The following IRS1 variants were observed in gnomAD, a reference collection of about 807,000 sequenced individuals.
IRS1 encodes insulin receptor substrate 1.
In IRS1, 34 loss-of-function variants were observed where a neutral mutation model predicts 65.6. The observed-to-expected ratio is 0.52, with a 90% CI of 0.39 to 0.69. The LOEUF is 0.69. IRS1 is among the 30% of genes least tolerant of loss of function. The pLI is 0.00. For missense variants in IRS1, 1,641 were observed against 1,720.2 expected (o/e 0.95, Z 0.81); for synonymous variants, 699 against 683.5 (o/e 1.02, Z -0.35).
At chr2:226,788,519 C>A (rs10170579) in intron 1 of IRS1, among the ~76,000 whole-genome samples, 1 of 152,122 alleles carries the variant, frequency 6.6e-6, no homozygotes, top group East Asian at 1.9e-4. Flanking sequence ...TATAGCAGAG[C>A]CTGCTGCAAG....
In IRS1 at chr2:226,798,927, C is replaced by G; in HGVS notation, c.-189G>C. On this transcript the variant is annotated 5_prime_UTR_variant, in exon 1 of 2. Transcript: ENST00000305123. The surrounding 1 kb of genome is among the most constrained non-coding windows in gnomAD (Gnocchi z 9.4). ...CTGAAGGAGGACGCAGCTGCTGAGC[C>G]CAGGAGAGAGCCCGACCGGAGTTTT... 2 of 1,462,760 alleles carry G rather than the reference C, an allele frequency of 1.4e-6. No homozygotes were observed. The highest frequency in any genetic ancestry group is 2.9e-5 in the South Asian group (2 of 68,982). The allele number at this position is 1,462,760 out of a possible 1,614,324, so 90.6% of individuals were successfully genotyped here. A position where few individuals can be genotyped will look rare whatever the true frequency, so the allele number is the denominator to read the frequency against.
chr2:226,739,147 G>C (rs1166988616), intron 1 of IRS1, among the ~76,000 whole-genome samples: 1 of 152,202 alleles, frequency 6.6e-6, no homozygotes, highest in Non-Finnish European at 1.5e-5. Context: ...GACGTATCAA[G>C]TGCATCGACA....
intron 1 of IRS1, among the ~76,000 whole-genome samples, chr2:226,793,707 C>T (rs1939653295): frequency 6.6e-6 from 1 of 152,194 alleles, no homozygotes; most frequent in Non-Finnish European, 1.5e-5. Context: ...TTTAAAAGCT[C>T]ATTCTGTGGA....
rs1193303683 is a variant in IRS1 at position 226,794,816 on chromosome 2, ACT to A, written c.*21+171_*21+172del. 2.0e-5 allele frequency among the ~76,000 whole-genome samples: 3 copies of A among 152,002 alleles called. No individual in the cohort carries two copies. Among genetic ancestry groups the A allele is most frequent in the Non-Finnish European group, 4.4e-5 (3 of 68,004 alleles). ...GTGGCTGCTCCTACATGTTTGTTTG[ACT>A]CTCTGCCAGATGTCAGTGTGGGGTG... On this transcript the variant is annotated intron_variant, in intron 1 of 1. Transcript: ENST00000305123. The surrounding 1 kb of genome is among the most constrained non-coding windows in gnomAD (Gnocchi z 4.1).
chr2:226,795,946 G>T lies in IRS1; in HGVS notation c.2793C>A (p.Pro931=), dbSNP rs1939711948. The change falls in exon 1 of 2, where the codon CCC becomes CCA. Residue 931 remains proline, a synonymous_variant. Transcript: ENST00000305123. ...CCTCAGTGCCAGTCTCTTCCTCTCT[G>T]GGAGCTGGCTGGAGCTGGGATGGAC... ...VRCPSQLQPA[P]REEETGTEEY... is the part of the protein sequence containing the mutation. 1 of 1,613,980 alleles carries T rather than the reference G, an allele frequency of 6.2e-7. No individual in the cohort carries two copies. The highest frequency in any genetic ancestry group is 8.5e-7 in the Non-Finnish European group (1 of 1,180,052).
rs143159755 is a variant in IRS1, at chr2:226,749,776, C to A, written c.*22-13526G>T. Among the ~76,000 whole-genome samples the A allele has an allele frequency of 7.2e-5, 11 of 152,288 alleles. 2 individuals carry two copies. The highest frequency in any genetic ancestry group is 2.6e-4 in the African/African-American group (11 of 41,568). ...TGGTCCAATGACTATCCGAAAGATGCACCTGGATGAGTTATTCCAGAGTTT... is the reference window on the plus strand; with the variant it reads ...TGGTCCAATGACTATCCGAAAGATGAACCTGGATGAGTTATTCCAGAGTTT... On this transcript the variant is annotated intron_variant, in intron 1 of 1. Coordinates refer to ENST00000305123, the MANE Select transcript of IRS1 (RefSeq NM_005544.3).
chr2:226,751,761 G>A (rs558341263), intron 1 of IRS1, among the ~76,000 whole-genome samples: 4 of 152,184 alleles, frequency 2.6e-5, no homozygotes, highest in Non-Finnish European at 4.4e-5. Flanking sequence ...AGGAGGAACT[G>A]AGGTAGGGCC....
chr2:226,731,791 T>A lies in IRS1; in HGVS notation c.*4481A>T, dbSNP rs1271977990. On this transcript the variant is annotated 3_prime_UTR_variant, in exon 2 of 2. Coordinates refer to ENST00000305123, the MANE Select transcript of IRS1 (RefSeq NM_005544.3). ...AGGAAAGTACTTTGCAAGAAAAAATTGTTTTGGGAACTACATTCTTAAGCC... is the reference window on the plus strand; with the variant it reads ...AGGAAAGTACTTTGCAAGAAAAAATAGTTTTGGGAACTACATTCTTAAGCC... 1 of 151,946 alleles carries A rather than the reference T, an allele frequency of 6.6e-6. No homozygotes were observed. Among genetic ancestry groups the A allele is most frequent in the Non-Finnish European group, 1.5e-5 (1 of 67,962 alleles). 9.4% of individuals were successfully genotyped at this position (151,946 alleles called of 1,614,324 possible).
At chr2:226,790,755 TTTC>T (rs1274792474) in intron 1 of IRS1, among the ~76,000 whole-genome samples, 2 of 152,220 alleles carry the variant, frequency 1.3e-5, no homozygotes, top group African/African-American at 2.4e-5. Flanking sequence ...AGCACTTTTC[TTTC>T]TTATTTTCCT....
chr2:226,735,589 C>A lies in IRS1; in HGVS notation c.*683G>T, dbSNP rs13306464. 1 of 152,518 alleles carries A rather than the reference C, an allele frequency of 6.6e-6. No homozygotes were observed. Among genetic ancestry groups the A allele is most frequent in the Non-Finnish European group, 1.5e-5 (1 of 68,030 alleles). The allele number at this position is 152,518 out of a possible 1,614,324, so 9.4% of individuals were successfully genotyped here. On this transcript the variant is annotated 3_prime_UTR_variant, in exon 2 of 2. Coordinates refer to ENST00000305123, the MANE Select transcript of IRS1 (RefSeq NM_005544.3). ...GCAAATATAACTATACAATTGAGAA[C>A]CATCTATGGCACTATGATTCTTATA...
rs1003090671 is a variant in IRS1, at chr2:226,797,236, G to A, written c.1503C>T (p.Gly501=). ...CATCCCCAGCCAAGGCTGGACTCGT[G>A]CCCAAGCCTGTTCCTGGGGTGCAGC... is the stretch of plus-strand genomic sequence containing the variant. The part of the protein sequence containing the change: ...GHRCTPGTGL[G]TSPALAGDEA... Residue 501 remains glycine, a synonymous_variant, in exon 1 of 2, where the codon GGC becomes GGT. Transcript: ENST00000305123. This position sits in a 1 kb window ranked among gnomAD's most constrained non-coding sequence, Gnocchi z 8.1. 6.2e-7 allele frequency: 1 copy of A among 1,613,502 alleles called. No homozygotes were observed. Among genetic ancestry groups the A allele is most frequent in the African/African-American group, 1.3e-5 (1 of 75,052 alleles).
intron 1 of IRS1, among the ~76,000 whole-genome samples, chr2:226,760,511 C>A (rs186717655): frequency 1.7e-4 from 26 of 152,152 alleles, no homozygotes; most frequent in South Asian, 6.2e-4. Flanking sequence ...ATTTTTTTTA[C>A]CCTCTTAATC....
At position 226,796,557 on chromosome 2, in the gene IRS1, A is replaced by C. The variant is rs762174937; in HGVS notation, c.2182T>G (p.Cys728Gly). The C allele has an allele frequency of 6.2e-7, 1 of 1,613,950 alleles. No homozygotes were observed. The highest frequency in any genetic ancestry group is 8.5e-7 in the Non-Finnish European group (1 of 1,179,984). ...VESSGGKLLP[C>G]TGDYMNMSPV... ...GACATGTTCATGTAGTCACCTGTGC[A>C]AGGTAAGAGCTTACCACCGCTGCTC... Residue 728 changes from cysteine to glycine, a missense_variant, in exon 1 of 2, where the codon TGC becomes GGC. Cys to Gly is a radical substitution (Grantham distance 159). This residue lies in a region of IRS1 where 1,324 missense variants were observed against 1,361.0 expected (regional missense o/e 0.97). Transcript: ENST00000305123.
chr2:226,789,386 C>G (rs1469321013), intron 1 of IRS1, among the ~76,000 whole-genome samples: 2 of 152,194 alleles, frequency 1.3e-5, no homozygotes, highest in Non-Finnish European at 2.9e-5. Context: ...GCTCAACTAA[C>G]TAATCAAAAA....
Position 226,735,757 on chromosome 2 carries a change from G to A in IRS1, c.*515C>T, listed in dbSNP as rs1049343329. On this transcript the variant is annotated 3_prime_UTR_variant, in exon 2 of 2. Transcript: ENST00000305123. Reference sequence around the variant, plus strand: ...CATCCAAAAAAAAGATGTGCTGTAAGAAAAGTTACATTTTCATTTAAAAAA... The same window carrying A: ...CATCCAAAAAAAAGATGTGCTGTAAAAAAAGTTACATTTTCATTTAAAAAA... 1.3e-5 allele frequency: 2 copies of A among 152,552 alleles called. No homozygotes were observed. The highest frequency in any genetic ancestry group is 2.9e-5 in the Non-Finnish European group (2 of 68,014). The allele number at this position is 152,552 out of a possible 1,614,324, so 9.4% of individuals were successfully genotyped here.
At chr2:226,782,923 C>A (rs1481697609) in intron 1 of IRS1, among the ~76,000 whole-genome samples, 1 of 152,170 alleles carries the variant, frequency 6.6e-6, no homozygotes, top group Non-Finnish European at 1.5e-5. Context: ...TCGCTGGAAT[C>A]CAGGAGGTGG....
intron 1 of IRS1, among the ~76,000 whole-genome samples, chr2:226,757,394 C>T (rs1221254322): frequency 6.6e-6 from 1 of 152,050 alleles, no homozygotes. Context: ...GTGGGCAGAT[C>T]ACCTGAGGTG....
chr2:226,739,988 T>C (rs193000282), intron 1 of IRS1, among the ~76,000 whole-genome samples: 12 of 152,342 alleles, frequency 7.9e-5, no homozygotes, highest in African/African-American at 2.9e-4. Flanking sequence ...ACCACTTCAA[T>C]TGACTGAAGG....
chr2:226,796,636 G>A lies in IRS1; in HGVS notation c.2103C>T (p.Asn701=), dbSNP rs772248279. 1.4e-5 allele frequency: 23 copies of A among 1,613,780 alleles called. No individual in the cohort carries two copies. Among genetic ancestry groups the A allele is most frequent in the Admixed American group, 1.0e-4 (6 of 59,990 alleles). ...CATGAGAGTGGTGGCCCCCTACCCC[G>A]TTTGTCCACAGCTTTCCATAGCTGG... ...SGTSYGKLWT[N]GVGGHHSHVL... is the part of the protein sequence containing the mutation. The change falls in exon 1 of 2, where the codon AAC becomes AAT. Residue 701 remains asparagine, a synonymous_variant. Coordinates refer to ENST00000305123, the MANE Select transcript of IRS1 (RefSeq NM_005544.3).
Sources: allele counts gnomAD v4.1 joint callset (sites outside exome capture counted in the v4.1 genomes callset), GRCh38; gene constraint gnomAD v4.1.1; regional missense constraint gnomAD v4.1.1; non-coding constraint Gnocchi (gnomAD v3.1); transcripts MANE v1.5; gene names NCBI Gene and HGNC (gene_info 2026-07-23, HGNC 2026-07-21).